TRAM2: variants seen among roughly 807,000 people sequenced by gnomAD.
TRAM2 encodes the protein translocation associated membrane protein 2, also known as translocating chain-associated membrane protein 2.
TRAM2 carries 12 observed loss-of-function variants against 51.0 expected under a neutral mutation model. The observed-to-expected ratio is 0.24, with a 90% CI of 0.15 to 0.38. The LOEUF (loss-of-function observed/expected upper bound fraction) is 0.38, where lower values mean the gene tolerates loss of function less well. TRAM2 is among the 10% of genes least tolerant of loss of function. The pLI is 1.00. For synonymous variants in TRAM2, 175 were observed against 179.4 expected, an observed-to-expected ratio of 0.98 and a Z score of 0.20; for missense variants, 361 against 462.0, an observed-to-expected ratio of 0.78 and a Z score of 2.00.
intron 2 of TRAM2, among the ~76,000 whole-genome samples, chr6:52,527,669 G>A (rs1766808831): frequency 6.6e-6 from 1 of 152,190 alleles, no homozygotes; most frequent in Non-Finnish European, 1.5e-5. Context: ...CAGCCACTCT[G>A]TGGTTCTGCT....
At chr6:52,526,608 C>T (rs535226527) in intron 2 of TRAM2, among the ~76,000 whole-genome samples, 11 of 152,280 alleles carry the variant, frequency 7.2e-5, no homozygotes, top group Non-Finnish European at 1.3e-4. Flanking sequence ...AGGCTGGTCT[C>T]AAACTCCTGA....
Position 52,499,382 on chromosome 6 carries a change from A to C in TRAM2, c.*3815T>G, listed in dbSNP as rs1361934639. 6.6e-6 allele frequency: 1 copy of C among 152,176 alleles called. No individual in the cohort carries two copies. The highest frequency in any genetic ancestry group is 6.5e-5 in the Admixed American group (1 of 15,280). The allele number at this position is 152,176 out of a possible 1,614,324, so 9.4% of individuals were successfully genotyped here. A position where few individuals can be genotyped will look rare whatever the true frequency, so the allele number is the denominator to read the frequency against. On this transcript the variant is annotated 3_prime_UTR_variant, in exon 11 of 11. Coordinates refer to ENST00000182527, the MANE Select transcript of TRAM2 (RefSeq NM_012288.4). ...CTTGTGCCATAGGCCCTTAAGCAAA[A>C]GAATTAGTTATGTGCAGACTTCCCT...
intron 2 of TRAM2, among the ~76,000 whole-genome samples, chr6:52,533,132 G>T (rs1288049176): frequency 6.6e-6 from 1 of 152,160 alleles, no homozygotes; most frequent in East Asian, 1.9e-4. Flanking sequence ...GGTGGGCAGA[G>T]TTTCAATCTG....
intron 4 of TRAM2, 91 bp downstream of exon 4, chr6:52,515,915 G>A: frequency 9.4e-7 from 1 of 1,067,416 alleles, no homozygotes; most frequent in Non-Finnish European, 1.4e-6. Context: ...AGAGCAAGGG[G>A]TCCTTTGCAG....
intron 1 of TRAM2, among the ~76,000 whole-genome samples, chr6:52,573,463 C>T (rs572535984): frequency 1.3e-5 from 2 of 152,270 alleles, no homozygotes; most frequent in East Asian, 3.9e-4. Flanking sequence ...TTCCACATTC[C>T]TGACATTTTT....
intron 1 of TRAM2, among the ~76,000 whole-genome samples, chr6:52,575,768 G>A (rs1300736118): frequency 6.6e-6 from 1 of 152,218 alleles, no homozygotes; most frequent in Non-Finnish European, 1.5e-5. Flanking sequence ...AGGACAAGGA[G>A]TCTCAGGAAC....
Position 52,501,586 on chromosome 6 carries a change from G to A in TRAM2, c.*1611C>T, listed in dbSNP as rs866081103. On this transcript the variant is annotated 3_prime_UTR_variant, in exon 11 of 11. Transcript: ENST00000182527. ...TTTTAGACAGAATTTCGCTCTTGTT[G>A]TCCAGGCTGGAGTGCCATGGTACAA... 6.6e-6 allele frequency: 1 copy of A among 152,150 alleles called. No homozygotes were observed. The highest frequency in any genetic ancestry group is 6.5e-5 in the Admixed American group (1 of 15,278). 9.4% of individuals were successfully genotyped at this position (152,150 alleles called of 1,614,324 possible). A position where few individuals can be genotyped will look rare whatever the true frequency, so the allele number is the denominator to read the frequency against.
chr6:52,549,127 C>A (rs1279560383), intron 1 of TRAM2, among the ~76,000 whole-genome samples: 5 of 152,162 alleles, frequency 3.3e-5, no homozygotes, highest in Non-Finnish European at 5.9e-5. Context: ...GGCTGTCCAC[C>A]GTGTGGTCCA....
chr6:52,570,515 G>A (rs746778368), intron 1 of TRAM2, among the ~76,000 whole-genome samples: 7 of 152,150 alleles, frequency 4.6e-5, no homozygotes, highest in Admixed American at 1.3e-4. Context: ...TTTTGGCTCC[G>A]ACTCTAACTT....
chr6:52,519,084 C>T (rs570619679), intron 2 of TRAM2, among the ~76,000 whole-genome samples: 1 of 152,340 alleles, frequency 6.6e-6, no homozygotes, highest in Non-Finnish European at 1.5e-5. Context: ...AACACAGACT[C>T]GTGTTCCTCT....
At chr6:52,505,851 G>A in intron 8 of TRAM2, 109 bp from the exon 9 acceptor site, 5 of 1,478,072 alleles carry the variant, frequency 3.4e-6, no homozygotes, top group Non-Finnish European at 4.5e-6. Context: ...AGGGTGGCTG[G>A]GGAAAGTGCT....
intron 1 of TRAM2, among the ~76,000 whole-genome samples, chr6:52,562,555 T>C (rs1036300508): frequency 2.0e-5 from 3 of 152,210 alleles, no homozygotes; most frequent in Non-Finnish European, 4.4e-5. Flanking sequence ...ACTTGCTAGA[T>C]GCTGAGAATT....
intron 4 of TRAM2, among the ~76,000 whole-genome samples, chr6:52,513,840 AT>A (rs1346987222): frequency 1.3e-5 from 2 of 152,230 alleles, no homozygotes; most frequent in African/African-American, 2.4e-5. Context: ...TGAGCAGAAA[AT>A]GGATTGGGGT....
At chr6:52,524,316 T>C (rs896465811) in intron 2 of TRAM2, 1 of 151,382 alleles carries the variant, frequency 6.6e-6, no homozygotes, top group Non-Finnish European at 1.5e-5. Flanking sequence ...AAGCATATAG[T>C]ATTCCATCTT....
At chr6:52,549,375 T>A (rs1167836239) in intron 1 of TRAM2, among the ~76,000 whole-genome samples, 2 of 152,002 alleles carry the variant, frequency 1.3e-5, no homozygotes, top group Non-Finnish European at 2.9e-5. Flanking sequence ...TTCAAAGCTT[T>A]GCTTCCCACA....
chr6:52,558,081 G>T (rs1236422691), intron 1 of TRAM2, among the ~76,000 whole-genome samples: 2 of 152,144 alleles, frequency 1.3e-5, no homozygotes, highest in Non-Finnish European at 2.9e-5. Flanking sequence ...TGGCAGCAGC[G>T]CCCTTCTCCT....
At chr6:52,529,381 G>A (rs1424489760) in intron 2 of TRAM2, among the ~76,000 whole-genome samples, 1 of 132,602 alleles carries the variant, frequency 7.5e-6, no homozygotes, top group Non-Finnish European at 1.6e-5. Flanking sequence ...TTTGAGGTTA[G>A]AAGTGTAGGA....
chr6:52,520,160 T>A (rs1437506018), intron 2 of TRAM2, among the ~76,000 whole-genome samples: 1 of 152,172 alleles, frequency 6.6e-6, no homozygotes, highest in East Asian at 1.9e-4. Context: ...ATTTTACAAT[T>A]TAAAAAACAA....
Position 52,576,983 on chromosome 6 carries a change from C to T in TRAM2, c.-68G>A. 7.0e-7 allele frequency: 1 copy of T among 1,424,998 alleles called. No individual in the cohort carries two copies. Among genetic ancestry groups the T allele is most frequent in the South Asian group, 1.4e-5 (1 of 69,368 alleles). 88.3% of individuals were successfully genotyped at this position (1,424,998 alleles called of 1,614,324 possible). On this transcript the variant is annotated 5_prime_UTR_variant, in exon 1 of 11. Transcript: ENST00000182527. ...TCACGAACCGCAGCGCAAACTTCTC[C>T]AGCACCGGCCCGGTCCGCCCGCCGG...
Sources: gnomAD v4.1 joint callset for allele counts (sites outside exome capture counted in the v4.1 genomes callset) on GRCh38, gnomAD v4.1.1 for gene constraint, MANE v1.5 for transcripts, NCBI Gene and HGNC (gene_info 2026-07-23, HGNC 2026-07-21) for gene names.